KIAA1549L: variants seen among roughly 807,000 people sequenced by gnomAD.
KIAA1549L encodes the protein KIAA1549 like, also known as UPF0606 protein KIAA1549L.
A neutral mutation model predicts 160.7 loss-of-function variants in KIAA1549L; 88 were observed. That is an observed-to-expected ratio of 0.55 (90% CI 0.46 to 0.65). The LOEUF (loss-of-function observed/expected upper bound fraction) is 0.65. Among genes scored for constraint, KIAA1549L ranks in the 30% least tolerant of loss-of-function variants. The pLI is 0.00. For synonymous variants in KIAA1549L, 950 were observed against 976.7 expected, an observed-to-expected ratio of 0.97 and a Z score of 0.51; for missense variants, 2,258 against 2,437.5, an observed-to-expected ratio of 0.93 and a Z score of 1.55.
chr11:33,448,502 T>G (rs750170648), intron 1 of KIAA1549L, among the ~76,000 whole-genome samples: 20 of 152,194 alleles, frequency 1.3e-4, no homozygotes, highest in Non-Finnish European at 2.5e-4. Flanking sequence ...TATGTCAGAT[T>G]GGTACTAGAT....
At position 33,515,110 on chromosome 11, in the gene KIAA1549L, G is replaced by A. The variant is rs565915756; in HGVS notation, c.239-26692G>A. Among the ~76,000 whole-genome samples the A allele has an allele frequency of 5.1e-4, 77 of 152,248 alleles. 1 individual carries two copies. Among genetic ancestry groups the A allele is most frequent in the Non-Finnish European group, 8.4e-4 (57 of 68,008 alleles). ...ATTCAGTTGACTTCACCAGGGGGTC[G>A]TATTTATTTGCAGTGAATAAAAGCC... On this transcript the variant is annotated intron_variant, in intron 1 of 20. Transcript: ENST00000658780.
At chr11:33,419,319 A>G (rs1850950582) in intron 1 of KIAA1549L, among the ~76,000 whole-genome samples, 1 of 152,252 alleles carries the variant, frequency 6.6e-6, no homozygotes, top group South Asian at 2.1e-4. Context: ...CTCTCTAATT[A>G]TAATGATACC....
intron 1 of KIAA1549L, among the ~76,000 whole-genome samples, chr11:33,535,743 T>C (rs995125608): frequency 6.6e-6 from 1 of 152,184 alleles, no homozygotes; most frequent in Non-Finnish European, 1.5e-5. Context: ...ACAAAAGGCA[T>C]GACCACCAGG....
chr11:33,376,260 C>T lies in KIAA1549L; in HGVS notation c.-392C>T, dbSNP rs977692009. 6.7e-6 allele frequency among the ~76,000 whole-genome samples: 1 copy of T among 148,412 alleles called. No homozygotes were observed. Among genetic ancestry groups the T allele is most frequent in the African/African-American group, 2.4e-5 (1 of 40,964 alleles). Reference sequence around the variant, plus strand: ...CTGCAGCGGCGGCGGGAGGGAGGGACCCGAGCGCGCCCCGCGGCCGCCACC... The same window carrying T: ...CTGCAGCGGCGGCGGGAGGGAGGGATCCGAGCGCGCCCCGCGGCCGCCACC... On this transcript the variant is annotated 5_prime_UTR_variant, in exon 1 of 21. Transcript: ENST00000658780. The surrounding 1 kb of genome is among the most constrained non-coding windows in gnomAD (Gnocchi z 5.8).
chr11:33,598,716 G>A, intron 12 of KIAA1549L, 104 bp from the exon 13 acceptor site: 1 of 1,338,288 alleles, frequency 7.5e-7, no homozygotes, highest in East Asian at 2.4e-5. Flanking sequence ...CATTAAACTG[G>A]AATGAAAGGC....
rs554513320 is a variant in KIAA1549L at position 33,630,086 on chromosome 11, A to G, written c.5409+11424A>G. Among the ~76,000 whole-genome samples the G allele has an allele frequency of 5.6e-4, 85 of 151,840 alleles. 1 individual carries two copies. The highest frequency in any genetic ancestry group is 3.4e-3 in the Middle Eastern group (1 of 294). On this transcript the variant is annotated intron_variant, in intron 16 of 20. Coordinates refer to ENST00000658780, the MANE Select transcript of KIAA1549L (RefSeq NM_012194.3). ...CTGCCTCTGCTGGGGGGTGCCTCCC[A>G]CTTAGGCTGCTCAGGGGTCAGGGAC...
In KIAA1549L at chr11:33,542,139, T is replaced by C. The variant is rs1363444479; in HGVS notation, c.576T>C (p.Asp192=). ...PGPKGGQEAA[D]VSGLPLTSML... ...CTAAAGGGGGACAAGAAGCAGCCGATGTGTCAGGTTTGCCTCTCACCAGCA... is the reference window on the plus strand; with the variant it reads ...CTAAAGGGGGACAAGAAGCAGCCGACGTGTCAGGTTTGCCTCTCACCAGCA... Residue 192 remains aspartate (D), a synonymous_variant, in exon 2 of 21, where the codon GAT becomes GAC. Transcript: ENST00000658780. 3.6e-6 allele frequency: 2 copies of C among 559,446 alleles called. No homozygotes were observed. Among genetic ancestry groups the C allele is most frequent in the Non-Finnish European group, 6.8e-6 (2 of 293,248 alleles). 34.7% of individuals were successfully genotyped at this position (559,446 alleles called of 1,614,324 possible).
At chr11:33,544,659 G>T (rs1487872744) in intron 2 of KIAA1549L, 108 bp from the exon 3 acceptor site, 3 of 1,405,570 alleles carry the variant, frequency 2.1e-6, no homozygotes, top group East Asian at 2.4e-5. Context: ...AGCCCAGATT[G>T]CAGAGACTTC....
chr11:33,488,657 T>C (rs1346036651), intron 1 of KIAA1549L, among the ~76,000 whole-genome samples: 1 of 152,186 alleles, frequency 6.6e-6, no homozygotes, highest in African/African-American at 2.4e-5. Flanking sequence ...CCTACTAAGA[T>C]TACTAACCAG....
At chr11:33,563,798 G>GT (rs924575281) in intron 8 of KIAA1549L, among the ~76,000 whole-genome samples, 25 of 152,012 alleles carry the variant, frequency 1.6e-4, no homozygotes, top group East Asian at 3.9e-4. Flanking sequence ...AAGGAATGGT[G>GT]TTTTTTTTAA....
chr11:33,472,465 A>C (rs750474725), intron 1 of KIAA1549L, among the ~76,000 whole-genome samples: 5 of 152,030 alleles, frequency 3.3e-5, no homozygotes, highest in African/African-American at 4.8e-5. Flanking sequence ...TCCTGCCTAC[A>C]TTAATTGAAC....
At chr11:33,636,125 T>C (rs1387314197) in intron 16 of KIAA1549L, among the ~76,000 whole-genome samples, 3 of 152,200 alleles carry the variant, frequency 2.0e-5, no homozygotes, top group Non-Finnish European at 4.4e-5. Context: ...AGTCACACAG[T>C]GGTTATTCAG....
chr11:33,447,943 G>A (rs1851649199), intron 1 of KIAA1549L, among the ~76,000 whole-genome samples: 1 of 152,146 alleles, frequency 6.6e-6, no homozygotes, highest in Non-Finnish European at 1.5e-5. Flanking sequence ...GAGTTCTCAT[G>A]AGCAAAGGAG....
chr11:33,583,493 A>C lies in KIAA1549L; in HGVS notation c.4558A>C (p.Arg1520=). 6.3e-7 allele frequency: 1 copy of C among 1,575,048 alleles called. No individual in the cohort carries two copies. The highest frequency in any genetic ancestry group is 8.6e-7 in the Non-Finnish European group (1 of 1,160,208). The part of the protein sequence containing the change: ...KPDTMINLPQ[R]AKPVQGFDYA... ...TGACACCATGATAAACCTGCCGCAG[A>C]GAGCAAAGGTATATGGAAGTGGTGG... Residue 1520 remains arginine, a synonymous_variant, in exon 11 of 21, where the codon AGA becomes CGA. Coordinates refer to ENST00000658780, the MANE Select transcript of KIAA1549L (RefSeq NM_012194.3).
At chr11:33,511,857 G>A (rs1340901111) in intron 1 of KIAA1549L, among the ~76,000 whole-genome samples, 1 of 152,184 alleles carries the variant, frequency 6.6e-6, no homozygotes, top group Non-Finnish European at 1.5e-5. Context: ...GGTATTCAGA[G>A]GACCTACCTT....
chr11:33,420,236 T>TTTGTTTGTTTGTTTGTTTG (rs1491426293), intron 1 of KIAA1549L, among the ~76,000 whole-genome samples: 1 of 20,420 alleles, frequency 4.9e-5, no homozygotes, highest in African/African-American at 1.7e-4. Flanking sequence ...TTTTTTTTTG[T>TTTGTTTGTTTGTTTGTTTG]TTTTTTTTTT....
chr11:33,552,823 A>C (rs764489502), intron 6 of KIAA1549L, among the ~76,000 whole-genome samples: 1 of 152,246 alleles, frequency 6.6e-6, no homozygotes, highest in Non-Finnish European at 1.5e-5. Flanking sequence ...ATTTCACAGA[A>C]GAGAGAACTG....
chr11:33,619,407 C>A (rs1850902961), intron 16 of KIAA1549L, among the ~76,000 whole-genome samples: 1 of 152,132 alleles, frequency 6.6e-6, no homozygotes, highest in African/African-American at 2.4e-5. Context: ...TCTCTAAATA[C>A]AAATAAAATT....
At position 33,668,240 on chromosome 11, in the gene KIAA1549L, CAT is replaced by C; in HGVS notation, c.*88_*89del. On this transcript the variant is annotated 3_prime_UTR_variant, in exon 21 of 21. Coordinates refer to ENST00000658780, the MANE Select transcript of KIAA1549L (RefSeq NM_012194.3). ...CATGCCTACGTGTTAGGACTTGAGA[CAT>C]AGCAATGGGTGAGTCTTTCTCACCC... 1 of 1,246,230 alleles carries C rather than the reference CAT, an allele frequency of 8.0e-7. No individual in the cohort carries two copies. The highest frequency in any genetic ancestry group is 1.1e-6 in the Non-Finnish European group (1 of 889,258). 77.2% of individuals were successfully genotyped at this position (1,246,230 alleles called of 1,614,324 possible).
Sources: gnomAD v4.1 joint callset for allele counts (sites outside exome capture counted in the v4.1 genomes callset) on GRCh38, gnomAD v4.1.1 for gene constraint, Gnocchi (gnomAD v3.1) non-coding constraint, MANE v1.5 for transcripts, NCBI Gene and HGNC (gene_info 2026-07-23, HGNC 2026-07-21) for gene names.